OLFM3: variants seen among roughly 807,000 people sequenced by gnomAD.
The protein encoded by OLFM3 is olfactomedin 3.
Under a neutral mutation model 48.6 loss-of-function variants are expected in OLFM3, and 20 were observed. That is an observed-to-expected ratio of 0.41 (90% CI 0.29 to 0.60). The LOEUF is 0.60. OLFM3 is among the 20% of genes least tolerant of loss of function. The pLI, the probability that OLFM3 is intolerant of heterozygous loss-of-function variation, is 0.28. For missense variants in OLFM3, 437 were observed against 544.3 expected, an observed-to-expected ratio of 0.80 and a Z score of 1.96; for synonymous variants, 222 against 198.1, an observed-to-expected ratio of 1.12 and a Z score of -1.01.
chr1:101,921,093 G>C (rs1015756454), intron 1 of OLFM3, among the ~76,000 whole-genome samples: 1 of 152,012 alleles, frequency 6.6e-6, no homozygotes, highest in African/African-American at 2.4e-5. Context: ...TCAATGGTGA[G>C]TGGAAAATGT....
chr1:101,894,840 G>T (rs987168856), intron 1 of OLFM3, among the ~76,000 whole-genome samples: 11 of 152,160 alleles, frequency 7.2e-5, no homozygotes, highest in African/African-American at 2.4e-4. Context: ...GAAAGGACAG[G>T]TTCCTTCTTT....
intron 3 of OLFM3, among the ~76,000 whole-genome samples, chr1:101,830,436 T>C (rs938414481): frequency 1.3e-5 from 2 of 152,212 alleles, no homozygotes; most frequent in Admixed American, 6.5e-5. Flanking sequence ...GAAATTTCCC[T>C]TGTTTCAGAA....
chr1:101,849,406 T>C (rs917037431), intron 1 of OLFM3, among the ~76,000 whole-genome samples: 1 of 152,212 alleles, frequency 6.6e-6, no homozygotes. Context: ...TGAATGGTAA[T>C]GATATTACCA....
At chr1:101,826,859 T>C (rs1654888521) in intron 3 of OLFM3, among the ~76,000 whole-genome samples, 1 of 152,234 alleles carries the variant, frequency 6.6e-6, no homozygotes, top group Non-Finnish European at 1.5e-5. Context: ...TAACAACTGT[T>C]ACAATCAAAG....
chr1:101,866,153 T>A (rs1344662701), intron 1 of OLFM3, among the ~76,000 whole-genome samples: 1 of 152,150 alleles, frequency 6.6e-6, no homozygotes, highest in Admixed American at 6.5e-5. Context: ...TTTTCTTCAG[T>A]CAAATGTATT....
intron 1 of OLFM3, among the ~76,000 whole-genome samples, chr1:101,981,338 G>A (rs892913822): frequency 4.6e-5 from 7 of 151,892 alleles, no homozygotes; most frequent in African/African-American, 9.7e-5. Context: ...TGTTCTAAAG[G>A]AAGTCTCTGC....
intron 1 of OLFM3, among the ~76,000 whole-genome samples, chr1:101,956,279 C>A (rs1276304322): frequency 1.3e-5 from 2 of 151,622 alleles, no homozygotes; most frequent in Non-Finnish European, 3.0e-5. Flanking sequence ...CTCTAATGTG[C>A]CACATAAAGG....
At chr1:101,874,844 C>G (rs1322021377) in intron 1 of OLFM3, among the ~76,000 whole-genome samples, 1 of 151,920 alleles carries the variant, frequency 6.6e-6, no homozygotes, top group African/African-American at 2.4e-5. Context: ...CTCATCTTCC[C>G]CAACTGGCTA....
intron 1 of OLFM3, among the ~76,000 whole-genome samples, chr1:101,866,658 C>A (rs554766740): frequency 8.6e-5 from 13 of 152,016 alleles, no homozygotes; most frequent in Non-Finnish European, 1.5e-4. Flanking sequence ...CTTAAATAAG[C>A]ATTCATCTGC....
At chr1:101,978,187 G>A (rs1316819351) in intron 1 of OLFM3, among the ~76,000 whole-genome samples, 1 of 152,092 alleles carries the variant, frequency 6.6e-6, no homozygotes, top group Non-Finnish European at 1.5e-5. Context: ...TTGTATTATG[G>A]AGAAATGTGT....
intron 2 of OLFM3, among the ~76,000 whole-genome samples, chr1:101,834,615 C>T (rs564946765): frequency 6.6e-6 from 1 of 152,252 alleles, no homozygotes; most frequent in African/African-American, 2.4e-5. Flanking sequence ...CTCCTTCAGG[C>T]CACTGTAAAA....
chr1:101,875,635 A>G (rs796769794), intron 1 of OLFM3, among the ~76,000 whole-genome samples: 2 of 149,092 alleles, frequency 1.3e-5, no homozygotes, highest in Non-Finnish European at 3.0e-5. Flanking sequence ...AGAAGTGGTT[A>G]TCTACAGTCC....
chr1:101,869,735 C>A (rs991842871), intron 1 of OLFM3, among the ~76,000 whole-genome samples: 1 of 152,134 alleles, frequency 6.6e-6, no homozygotes, highest in Non-Finnish European at 1.5e-5. Context: ...GTAATTGAAT[C>A]ATGGGGGCAG....
intron 1 of OLFM3, among the ~76,000 whole-genome samples, chr1:101,850,724 G>A (rs1391583294): frequency 6.6e-6 from 1 of 152,104 alleles, no homozygotes; most frequent in Non-Finnish European, 1.5e-5. Context: ...TTGACTTTAG[G>A]TAAAATGAGA....
intron 1 of OLFM3, among the ~76,000 whole-genome samples, chr1:101,972,373 A>G (rs1660829310): frequency 6.6e-6 from 1 of 152,232 alleles, no homozygotes. Flanking sequence ...ACTGAAAATT[A>G]GTGCATTGAT....
intron 1 of OLFM3, among the ~76,000 whole-genome samples, chr1:101,947,291 G>A (rs1396015160): frequency 6.6e-6 from 1 of 152,048 alleles, no homozygotes; most frequent in Non-Finnish European, 1.5e-5. Context: ...AAATCAACTG[G>A]AATATCAAAA....
intron 1 of OLFM3, among the ~76,000 whole-genome samples, chr1:101,966,651 CA>C (rs952550679): frequency 6.6e-6 from 1 of 152,054 alleles, no homozygotes; most frequent in African/African-American, 2.4e-5. Flanking sequence ...TACGAGATGA[CA>C]GAAAACCAAT....
At chr1:101,870,216 C>G (rs1319415362) in intron 1 of OLFM3, among the ~76,000 whole-genome samples, 1 of 151,994 alleles carries the variant, frequency 6.6e-6, no homozygotes, top group Non-Finnish European at 1.5e-5. Context: ...GTGGATATAT[C>G]TCTTTGTAGC....
intron 3 of OLFM3, among the ~76,000 whole-genome samples, chr1:101,827,380 C>T (rs557158718): frequency 4.6e-5 from 7 of 151,684 alleles, no homozygotes; most frequent in East Asian, 1.9e-4. Context: ...CAGTCAGTGG[C>T]GCGATCTCGG....
Sources: allele counts gnomAD v4.1 joint callset (sites outside exome capture counted in the v4.1 genomes callset), GRCh38; gene constraint gnomAD v4.1.1; transcripts MANE v1.5; gene names NCBI Gene and HGNC (gene_info 2026-07-23, HGNC 2026-07-21).